KIF6: variants seen among roughly 807,000 people sequenced by gnomAD.
KIF6 encodes the protein kinesin family member 6.
In KIF6, 106 loss-of-function variants were observed where a neutral mutation model predicts 112.7. The ratio of observed to expected loss-of-function variants is 0.94; its 90% CI spans 0.80 to 1.11. The LOEUF is 1.11. KIF6 is among the 50% of genes least tolerant of loss of function. KIF6 has a pLI of 0.00. For synonymous variants in KIF6, 339 were observed against 339.9 expected (o/e 1.00, Z 0.03); for missense variants, 929 against 964.0 (o/e 0.96, Z 0.48).
intron 3 of KIF6, among the ~76,000 whole-genome samples, chr6:39,644,513 T>C (rs1205647607): frequency 6.6e-6 from 1 of 152,090 alleles, no homozygotes; most frequent in African/African-American, 2.4e-5. Flanking sequence ...CATGCTACAA[T>C]AAGGATAAAA....
At chr6:39,502,713 G>A (rs189423972) in intron 13 of KIF6, among the ~76,000 whole-genome samples, 7 of 152,268 alleles carry the variant, frequency 4.6e-5, no homozygotes, top group Admixed American at 4.6e-4. Flanking sequence ...TTACAAGACA[G>A]ACTTTAAACC....
At chr6:39,540,619 G>A (rs1053056727) in intron 12 of KIF6, among the ~76,000 whole-genome samples, 2 of 152,342 alleles carry the variant, frequency 1.3e-5, no homozygotes, top group African/African-American at 4.8e-5. Context: ...GGGCGAGCAC[G>A]CGCCTGCTCG....
chr6:39,592,897 C>T (rs1448321971), intron 7 of KIF6, among the ~76,000 whole-genome samples: 1 of 152,150 alleles, frequency 6.6e-6, no homozygotes, highest in African/African-American at 2.4e-5. Context: ...TATAATGCTG[C>T]ATGGAATTTG....
intron 13 of KIF6, among the ~76,000 whole-genome samples, chr6:39,437,060 T>C (rs1389576843): frequency 6.6e-6 from 1 of 152,194 alleles, no homozygotes. Flanking sequence ...ATTTTGTAGT[T>C]CTCCTTGTAG....
intron 3 of KIF6, among the ~76,000 whole-genome samples, chr6:39,697,369 T>G (rs948488943): frequency 3.3e-5 from 5 of 152,112 alleles, no homozygotes; most frequent in Non-Finnish European, 7.4e-5. Context: ...TTCATAAGCC[T>G]ATCAGGTTGG....
chr6:39,423,337 G>A (rs1039853764), intron 14 of KIF6, among the ~76,000 whole-genome samples: 4 of 152,130 alleles, frequency 2.6e-5, no homozygotes, highest in African/African-American at 9.7e-5. Flanking sequence ...TGGCTTCCAA[G>A]GGCCCCGGCT....
At chr6:39,381,905 A>G (rs1226378539) in intron 16 of KIF6, among the ~76,000 whole-genome samples, 1 of 152,236 alleles carries the variant, frequency 6.6e-6, no homozygotes, top group Non-Finnish European at 1.5e-5. Flanking sequence ...CACCTGCTGT[A>G]ATTCAGAAGA....
At chr6:39,531,212 T>C (rs1778041697) in intron 13 of KIF6, among the ~76,000 whole-genome samples, 1 of 152,200 alleles carries the variant, frequency 6.6e-6, no homozygotes. Context: ...ATTTGGACCT[T>C]ACAAAAAATT....
chr6:39,649,973 G>A (rs1785387649), intron 3 of KIF6, among the ~76,000 whole-genome samples: 1 of 152,094 alleles, frequency 6.6e-6, no homozygotes, highest in Non-Finnish European at 1.5e-5. Context: ...CCCACTCTTG[G>A]ATATCTCACA....
At chr6:39,443,284 C>T (rs1054260221) in intron 13 of KIF6, among the ~76,000 whole-genome samples, 1 of 151,758 alleles carries the variant, frequency 6.6e-6, no homozygotes, top group African/African-American at 2.4e-5. Flanking sequence ...GGCTTCCACC[C>T]TAATGAGATT....
intron 5 of KIF6, among the ~76,000 whole-genome samples, chr6:39,614,475 A>T (rs377332307): frequency 6.6e-6 from 1 of 152,134 alleles, no homozygotes; most frequent in Non-Finnish European, 1.5e-5. Context: ...AAGTATCATA[A>T]TTTTTTTCAT....
At chr6:39,346,734 G>A (rs1231332454) in intron 19 of KIF6, among the ~76,000 whole-genome samples, 7 of 151,984 alleles carry the variant, frequency 4.6e-5, no homozygotes, top group African/African-American at 7.3e-5. Flanking sequence ...TGCAACCTCC[G>A]CTTCCTGGGT....
chr6:39,451,644 A>AG (rs1201099914), intron 13 of KIF6, among the ~76,000 whole-genome samples: 1 of 152,052 alleles, frequency 6.6e-6, no homozygotes, highest in East Asian at 1.9e-4. Context: ...AGGCTGAGGG[A>AG]GGGGCATGGC....
At chr6:39,407,881 T>C (rs901286924) in intron 15 of KIF6, among the ~76,000 whole-genome samples, 2 of 152,172 alleles carry the variant, frequency 1.3e-5, no homozygotes, top group African/African-American at 4.8e-5. Context: ...GCCAGTGCTA[T>C]AGTGAGGTAG....
chr6:39,378,449 T>TAC lies in KIF6; in HGVS notation c.1861+7171_1861+7172dup, dbSNP rs1379420813. Among the ~76,000 whole-genome samples the TAC allele has an allele frequency of 6.6e-6, 1 of 151,870 alleles. No individual in the cohort carries two copies. The highest frequency in any genetic ancestry group is 2.4e-5 in the African/African-American group (1 of 41,392). On this transcript the variant is annotated intron_variant, in intron 16 of 22. Transcript: ENST00000287152. This position sits in a 1 kb window ranked among gnomAD's most constrained non-coding sequence, Gnocchi z 5.0. ...GCATACAACATATATCCATACCACA[T>TAC]ACACACACACCACATGCCGCATATA...
chr6:39,708,471 T>G (rs1383715934), intron 3 of KIF6, among the ~76,000 whole-genome samples: 2 of 152,202 alleles, frequency 1.3e-5, no homozygotes, highest in East Asian at 3.8e-4. Context: ...TCATTGGCCT[T>G]ATTGTAGTGT....
At chr6:39,620,951 T>C (rs1461844936) in intron 5 of KIF6, among the ~76,000 whole-genome samples, 1 of 151,946 alleles carries the variant, frequency 6.6e-6, no homozygotes, top group Non-Finnish European at 1.5e-5. Flanking sequence ...ATATTTTTAG[T>C]AGAGACAGGG....
intron 19 of KIF6, among the ~76,000 whole-genome samples, chr6:39,349,803 T>C (rs1320014351): frequency 6.6e-6 from 1 of 151,822 alleles, no homozygotes; most frequent in East Asian, 1.9e-4. Flanking sequence ...CCACCATGGC[T>C]GGCTAATTAT....
At chr6:39,613,360 T>A (rs764090436) in intron 5 of KIF6, 42 bp from the exon 6 acceptor site, 2 of 1,509,266 alleles carry the variant, frequency 1.3e-6, no homozygotes, top group Non-Finnish European at 1.8e-6. Context: ...CTGCTGAGAA[T>A]GAAAAGAACT....
Sources: gnomAD v4.1 joint callset for allele counts (sites outside exome capture counted in the v4.1 genomes callset) on GRCh38, gnomAD v4.1.1 for gene constraint, Gnocchi (gnomAD v3.1) non-coding constraint, MANE v1.5 for transcripts, NCBI Gene and HGNC (gene_info 2026-07-23, HGNC 2026-07-21) for gene names.